Variants in DNAH6 observed in about 807,000 individuals in gnomAD.
The protein encoded by DNAH6 is axonemal beta dynein heavy chain 6.
Under a neutral mutation model 491.4 loss-of-function variants are expected in DNAH6, and 340 were observed. That is an observed-to-expected ratio of 0.69 (90% CI 0.63 to 0.76). DNAH6 has a LOEUF of 0.76. Ranked by LOEUF, DNAH6 falls within the 30% of genes least tolerant of loss-of-function variation. DNAH6 has a pLI of 0.00. For synonymous variants in DNAH6, 1,603 were observed against 1,686.1 expected, an observed-to-expected ratio of 0.95 and a Z score of 1.21; for missense variants, 4,443 against 4,972.2, an observed-to-expected ratio of 0.89 and a Z score of 3.20.
chr2:84,500,427 C>G, the DNAH6 span, among the ~76,000 whole-genome samples: 5 of 152,172 alleles, frequency 3.3e-5, no homozygotes, highest in African/African-American at 1.2e-4. Flanking sequence ...GTTATGGTTA[C>G]TATAGCTCTG....
In DNAH6 at chr2:84,592,555, C is replaced by A. The variant is rs6749409; in HGVS notation, c.2611-1417C>A. On this transcript the variant is annotated intron_variant, in intron 16 of 76. Coordinates refer to ENST00000389394, the MANE Select transcript of DNAH6 (RefSeq NM_001370.2). ...TGGTGGTTCCTCAAAACTTAAAAAA[C>A]AAATGACCCAATGATCCCATTTATG... Among the ~76,000 whole-genome samples, 660 of 152,256 alleles carry A rather than the reference C, an allele frequency of 4.3e-3. 3 individuals carry two copies. The highest frequency in any genetic ancestry group is 0.015 in the African/African-American group (618 of 41,558).
At chr2:84,756,987 A>C (rs1412115142) in intron 63 of DNAH6, among the ~76,000 whole-genome samples, 10 of 152,236 alleles carry the variant, frequency 6.6e-5, no homozygotes, top group Non-Finnish European at 1.0e-4. Context: ...GAACTTGGTG[A>C]TAAAGAGGGA....
At chr2:84,494,515 C>T in the DNAH6 span, among the ~76,000 whole-genome samples, 6 of 151,834 alleles carry the variant, frequency 4.0e-5, no homozygotes, top group Non-Finnish European at 7.4e-5. Context: ...ATATCATACA[C>T]GGACTAAAGA....
intron 63 of DNAH6, among the ~76,000 whole-genome samples, chr2:84,760,159 AC>A (rs1674430657): frequency 6.6e-6 from 1 of 152,152 alleles, no homozygotes; most frequent in Admixed American, 6.5e-5. Flanking sequence ...ATATACAAAA[AC>A]CAACTAAAGA....
In DNAH6 at chr2:84,727,834, C is replaced by G; in HGVS notation, c.10138C>G (p.Arg3380Gly). 2 of 1,552,094 alleles carry G rather than the reference C, an allele frequency of 1.3e-6. No individual in the cohort carries two copies. Among genetic ancestry groups the G allele is most frequent in the Non-Finnish European group, 1.7e-6 (2 of 1,147,018 alleles). ...CTTTATGCTTTGTGTTGAGATGATGCGTCAGCAAGGAACCCTATCTGATGC... is the reference window on the plus strand; with the variant it reads ...CTTTATGCTTTGTGTTGAGATGATGGGTCAGCAAGGAACCCTATCTGATGC... ...YSFMLCVEMMRQQGTLSDAEW... is the reference protein window; with the variant it reads ...YSFMLCVEMMGQQGTLSDAEW... The change falls in exon 61 of 77, where the codon CGT becomes GGT. Residue 3380 changes from arginine to glycine, a missense_variant. Arg to Gly is a moderately radical substitution (Grantham distance 125). This residue lies in a region of DNAH6 where 1,463 missense variants were observed against 1,656.6 expected (regional missense o/e 0.88). Transcript: ENST00000389394.
intron 4 of DNAH6, among the ~76,000 whole-genome samples, chr2:84,542,844 T>C (rs891455817): frequency 2.0e-5 from 3 of 152,158 alleles, no homozygotes; most frequent in African/African-American, 7.2e-5. Flanking sequence ...AGGGATTTCA[T>C]GAATAACTTG....
chr2:84,591,765 T>A (rs1423250836), intron 16 of DNAH6, among the ~76,000 whole-genome samples: 4 of 152,134 alleles, frequency 2.6e-5, no homozygotes, highest in Non-Finnish European at 5.9e-5. Flanking sequence ...TTCAGACATA[T>A]AGACCAATGA....
chr2:84,818,986 T>TGG (rs1680772063), intron 76 of DNAH6, among the ~76,000 whole-genome samples: 1 of 151,946 alleles, frequency 6.6e-6, no homozygotes, highest in Non-Finnish European at 1.5e-5. Context: ...GGTAGGAGAA[T>TGG]CACTTGAACC....
Position 84,621,674 on chromosome 2 carries a change from A to C in DNAH6, c.4071+123A>C, listed in dbSNP as rs896996121. On this transcript the variant is annotated intron_variant, in intron 26 of 76. Coordinates refer to ENST00000389394, the MANE Select transcript of DNAH6 (RefSeq NM_001370.2). The stretch of plus-strand genomic sequence containing the variant: ...ATTCTAATGCTCTGACATTTGTAAT[A>C]GCTCTTACAAAGCTTTACAATTCTA... 31 of 569,394 alleles carry C rather than the reference A, an allele frequency of 5.4e-5. 1 individual carries two copies. The highest frequency in any genetic ancestry group is 8.5e-5 in the Non-Finnish European group (27 of 318,830). 35.3% of individuals were successfully genotyped at this position (569,394 alleles called of 1,614,324 possible). A position where few individuals can be genotyped will look rare whatever the true frequency, so the allele number is the denominator to read the frequency against.
intron 41 of DNAH6, among the ~76,000 whole-genome samples, chr2:84,679,662 T>C (rs1227441594): frequency 6.6e-6 from 1 of 152,254 alleles, no homozygotes; most frequent in Admixed American, 6.5e-5. Context: ...GATCCTTAAG[T>C]AGAATACTAG....
intron 41 of DNAH6, among the ~76,000 whole-genome samples, chr2:84,679,002 A>G (rs529522873): frequency 3.9e-5 from 6 of 152,158 alleles, no homozygotes; most frequent in Admixed American, 6.5e-5. Context: ...AGGACCCAAG[A>G]ATTCATCACC....
chr2:84,587,395 G>A (rs1429284269), intron 15 of DNAH6, among the ~76,000 whole-genome samples: 2 of 152,106 alleles, frequency 1.3e-5, no homozygotes, highest in Non-Finnish European at 2.9e-5. Context: ...TTGCTATTGT[G>A]GATAGTGCTG....
chr2:84,547,318 T>A lies in DNAH6; in HGVS notation c.981T>A (p.Ser327Arg), dbSNP rs1678877968. 1.3e-6 allele frequency: 2 copies of A among 1,550,968 alleles called. No homozygotes were observed. The highest frequency in any genetic ancestry group is 2.7e-5 in the African/African-American group (2 of 73,110). ...LKINELCYHL[S>R]FMGLCYIEKC... ...TAAATGAATTGTGTTATCATTTGAG[T>A]TTTATGGGACTTTGTTATATTGAAA... The change falls in exon 6 of 77, where the codon AGT (serine) becomes AGA (arginine). Residue 327 changes from serine (S) to arginine (R), a missense_variant. Around this residue, in one of 3 missense-constraint regions of DNAH6, gnomAD observed 2,977 missense variants for 3,296.6 expected, o/e 0.90. Transcript: ENST00000389394.
chr2:84,699,678 C>T lies in DNAH6; in HGVS notation c.7762C>T (p.Arg2588Ter), dbSNP rs753096985. Residue 2588 changes from arginine (R) to a stop codon, truncating the protein, a stop_gained, in exon 48 of 77, where the codon CGA (arginine) becomes TGA (stop). Coordinates refer to ENST00000389394, the MANE Select transcript of DNAH6 (RefSeq NM_001370.2). LOFTEE classifies it high-confidence loss of function. ...CCCAGTTGGGGAGGCCTTTCGGTCC[C>T]GATGCAGGATGTTTCCATCCCTTGT... ...MSPVGEAFRS[R>*]CRMFPSLVNC... 10 of 1,551,610 alleles carry T rather than the reference C, an allele frequency of 6.4e-6. No individual in the cohort carries two copies. The highest frequency in any genetic ancestry group is 4.9e-5 in the East Asian group (2 of 40,940).
Position 84,562,128 on chromosome 2 carries a change from T to C in DNAH6, c.1803+4193T>C, listed in dbSNP as rs137920057. ...GAGAAAAGTAGAATAAGGTTATTGA[T>C]TGAGGTACAGTTAATAGGCTGGAAT... On this transcript the variant is annotated intron_variant, in intron 11 of 76. Coordinates refer to ENST00000389394, the MANE Select transcript of DNAH6 (RefSeq NM_001370.2). Among the ~76,000 whole-genome samples, 101 of 152,186 alleles carry C rather than the reference T, an allele frequency of 6.6e-4. 1 individual carries two copies. Among genetic ancestry groups the C allele is most frequent in the African/African-American group, 2.3e-3 (95 of 41,536 alleles).
intron 62 of DNAH6, among the ~76,000 whole-genome samples, chr2:84,743,824 A>G (rs1253038025): frequency 6.6e-6 from 1 of 152,232 alleles, no homozygotes; most frequent in Non-Finnish European, 1.5e-5. Flanking sequence ...TCTGTCTCCA[A>G]ATGAATAAAT....
At chr2:84,715,723 T>G (rs1027422802) in intron 58 of DNAH6, 96 bp downstream of exon 58, 2 of 1,185,454 alleles carry the variant, frequency 1.7e-6, no homozygotes, top group Non-Finnish European at 2.4e-6. Context: ...TTCTGCTGTG[T>G]AAGAGCACTA....
rs552293711 is a variant in DNAH6 at position 84,593,945 on chromosome 2, C to T, written c.2611-27C>T. ...CTCATTATATCTGAAAACTAAATTA[C>T]GCATTTTGTTTACTACATTTTTAAA... On this transcript the variant is annotated intron_variant, in intron 16 of 76. Transcript: ENST00000389394. 19 of 1,320,868 alleles carry T rather than the reference C, an allele frequency of 1.4e-5. No homozygotes were observed. In the African/African-American group the frequency reaches 1.8e-4, roughly 12 times the overall value. 81.8% of individuals were successfully genotyped at this position (1,320,868 alleles called of 1,614,324 possible). A position where few individuals can be genotyped will look rare whatever the true frequency, so the allele number is the denominator to read the frequency against.
chr2:84,535,074 C>A (rs1466991955), intron 4 of DNAH6, among the ~76,000 whole-genome samples: 2 of 151,736 alleles, frequency 1.3e-5, no homozygotes, highest in African/African-American at 2.4e-5. Flanking sequence ...AATTTTACTT[C>A]TTAAATTAAT....
Sources: allele counts gnomAD v4.1 joint callset (sites outside exome capture counted in the v4.1 genomes callset), GRCh38; gene constraint gnomAD v4.1.1; regional missense constraint gnomAD v4.1.1; transcripts MANE v1.5; gene names NCBI Gene and HGNC (gene_info 2026-07-23, HGNC 2026-07-21).